The following SLC24A2 variants were observed in gnomAD, a reference collection of about 807,000 sequenced individuals.
SLC24A2 encodes sodium/potassium/calcium exchanger 2.
A neutral mutation model predicts 62.0 loss-of-function variants in SLC24A2; 36 were observed. The observed-to-expected ratio is 0.58, with a 90% CI of 0.44 to 0.77. The LOEUF (loss-of-function observed/expected upper bound fraction) is 0.77, where lower values mean the gene tolerates loss of function less well. Among genes scored for constraint, SLC24A2 ranks in the 30% least tolerant of loss-of-function variants. The pLI is 0.00. For missense variants in SLC24A2, 846 were observed against 817.9 expected (o/e 1.03, Z -0.42); for synonymous variants, 358 against 294.0 (o/e 1.22, Z -2.23).
chr9:19,528,609 G>A (rs1158079603), intron 8 of SLC24A2, among the ~76,000 whole-genome samples: 1 of 152,126 alleles, frequency 6.6e-6, no homozygotes, highest in Admixed American at 6.6e-5. Flanking sequence ...CATTGAATAA[G>A]AAATGGGAAG....
the SLC24A2 span, among the ~76,000 whole-genome samples, chr9:20,170,277 G>C: frequency 7.1e-6 from 1 of 141,404 alleles, no homozygotes; most frequent in African/African-American, 2.9e-5. Context: ...CCAGCACTCA[G>C]GCAAAAGTTG....
the SLC24A2 span, among the ~76,000 whole-genome samples, chr9:20,295,947 C>A: frequency 6.6e-6 from 1 of 152,130 alleles, no homozygotes; most frequent in Non-Finnish European, 1.5e-5. Context: ...CTCTGGAGAA[C>A]CCTGACTAAT....
At chr9:19,577,165 T>C (rs1450983983) in intron 5 of SLC24A2, 143 bp from the exon 6 acceptor site, 1 of 735,712 alleles carries the variant, frequency 1.4e-6, no homozygotes, top group Non-Finnish European at 2.5e-6. Context: ...ACCAGGACCT[T>C]CCTGAAGGGT....
chr9:19,980,808 A>G, the SLC24A2 span, among the ~76,000 whole-genome samples: 1 of 152,134 alleles, frequency 6.6e-6, no homozygotes, highest in Non-Finnish European at 1.5e-5. Flanking sequence ...TGAGAGTTAA[A>G]TGGGATAACA....
chr9:19,582,855 T>C (rs1011661157), intron 5 of SLC24A2, among the ~76,000 whole-genome samples: 2 of 152,064 alleles, frequency 1.3e-5, no homozygotes, highest in African/African-American at 4.8e-5. Flanking sequence ...GGTGTCTCTA[T>C]TTTTAAAATT....
chr9:20,164,488 G>C, the SLC24A2 span, among the ~76,000 whole-genome samples: 32 of 151,552 alleles, frequency 2.1e-4, no homozygotes, highest in African/African-American at 3.6e-4. Context: ...GAAACAACAG[G>C]TGCTGGAGAG....
the SLC24A2 span, among the ~76,000 whole-genome samples, chr9:20,293,763 CTGT>C: frequency 2.6e-4 from 40 of 152,178 alleles, no homozygotes; most frequent in Non-Finnish European, 4.7e-4. Context: ...CTTCTATTTT[CTGT>C]TGTCAATTTG....
intron 8 of SLC24A2, among the ~76,000 whole-genome samples, chr9:19,544,010 G>C (rs893281491): frequency 5.3e-5 from 8 of 152,138 alleles, no homozygotes; most frequent in African/African-American, 1.9e-4. Context: ...TCATTGATGT[G>C]TCTAATATTG....
At chr9:20,074,597 GGAAGGAAAGA>G in the SLC24A2 span, among the ~76,000 whole-genome samples, 16 of 105,476 alleles carry the variant, frequency 1.5e-4, no homozygotes, top group South Asian at 2.7e-3. Context: ...AAGGAAGGAA[GGAAGGAAAGA>G]AGGGAGTGAG....
the SLC24A2 span, among the ~76,000 whole-genome samples, chr9:19,905,241 T>C: frequency 2.1e-4 from 32 of 152,224 alleles, no homozygotes; most frequent in East Asian, 6.0e-3. Context: ...TCTTACTTCA[T>C]CAAGGAAATG....
At chr9:19,791,168 C>T (rs1373035176), upstream of SLC24A2, among the ~76,000 whole-genome samples, 1 of 152,192 alleles carries the variant, frequency 6.6e-6, no homozygotes, top group Non-Finnish European at 1.5e-5. Flanking sequence ...ATCTTTTGAT[C>T]TGTCTTTCTT....
chr9:19,764,455 C>G (rs953214932), intron 2 of SLC24A2, among the ~76,000 whole-genome samples: 7 of 152,232 alleles, frequency 4.6e-5, no homozygotes, highest in East Asian at 1.9e-4. Flanking sequence ...GTGAATTTCC[C>G]TCTAAACACT....
At chr9:20,091,673 T>C in the SLC24A2 span, among the ~76,000 whole-genome samples, 3 of 152,184 alleles carry the variant, frequency 2.0e-5, no homozygotes, top group Non-Finnish European at 4.4e-5. Context: ...GGGAGTCTGT[T>C]ACCACCCGGC....
At chr9:20,025,330 G>T in the SLC24A2 span, among the ~76,000 whole-genome samples, 4 of 152,202 alleles carry the variant, frequency 2.6e-5, no homozygotes, top group East Asian at 3.9e-4. Flanking sequence ...CTGAATAAAT[G>T]AGTGGTAAAT....
chr9:19,533,271 G>T (rs1833791856), intron 8 of SLC24A2, among the ~76,000 whole-genome samples: 1 of 152,076 alleles, frequency 6.6e-6, no homozygotes, highest in Non-Finnish European at 1.5e-5. Flanking sequence ...CCCTAAGGAG[G>T]GGCAAATATG....
chr9:20,132,562 A>G, the SLC24A2 span, among the ~76,000 whole-genome samples: 1 of 152,092 alleles, frequency 6.6e-6, no homozygotes, highest in Admixed American at 6.6e-5. Context: ...AATATCTTTT[A>G]AAGACCTCAA....
the SLC24A2 span, among the ~76,000 whole-genome samples, chr9:20,251,753 G>A: frequency 6.6e-6 from 1 of 152,126 alleles, no homozygotes; most frequent in African/African-American, 2.4e-5. Context: ...TCCTAAGATG[G>A]TTCCAGGGAT....
the SLC24A2 span, among the ~76,000 whole-genome samples, chr9:20,077,785 C>T: frequency 1.3e-5 from 2 of 152,162 alleles, no homozygotes; most frequent in African/African-American, 4.8e-5. Flanking sequence ...CCAAGTCATC[C>T]CTGGTAATCC....
the SLC24A2 span, chr9:19,929,106 G>T: frequency 1.3e-5 from 2 of 152,166 alleles, no homozygotes; most frequent in African/African-American, 2.4e-5. Flanking sequence ...GCTTTGTCTG[G>T]AGAATAACCT....
Sources: allele counts gnomAD v4.1 joint callset (sites outside exome capture counted in the v4.1 genomes callset), GRCh38; gene constraint gnomAD v4.1.1; transcripts MANE v1.5; gene names NCBI Gene and HGNC (gene_info 2026-07-23, HGNC 2026-07-21).